SPIDR: variants seen among roughly 807,000 people sequenced by gnomAD.
The protein encoded by SPIDR is scaffold protein involved in DNA repair, also known as DNA repair-scaffolding protein.
Under a neutral mutation model 104.6 loss-of-function variants are expected in SPIDR, and 93 were observed. That is an observed-to-expected ratio of 0.89 (90% confidence interval 0.75 to 1.06). SPIDR has a LOEUF of 1.06. Ranked by LOEUF, SPIDR falls within the 50% of genes least tolerant of loss-of-function variation. The probability of loss-of-function intolerance (pLI) is 0.00; values close to 1 mark genes in which losing one functional copy is unlikely to be tolerated. For synonymous variants in SPIDR, 431 were observed against 416.9 expected (o/e 1.03, Z -0.41); for missense variants, 1,154 against 1,111.2 (o/e 1.04, Z -0.55).
chr8:47,666,436 G>A (rs1329862255), intron 10 of SPIDR, among the ~76,000 whole-genome samples: 1 of 152,136 alleles, frequency 6.6e-6, no homozygotes, highest in East Asian at 1.9e-4. Flanking sequence ...TTTAGCTCTG[G>A]AAATTAGGCT....
intron 17 of SPIDR, among the ~76,000 whole-genome samples, chr8:47,727,579 A>G (rs987616988): frequency 6.6e-6 from 1 of 152,192 alleles, no homozygotes; most frequent in African/African-American, 2.4e-5. Flanking sequence ...CAGGACAAAC[A>G]TGAATAAGTG....
intron 8 of SPIDR, among the ~76,000 whole-genome samples, chr8:47,441,211 C>T (rs1166915833): frequency 2.6e-5 from 4 of 152,110 alleles, no homozygotes; most frequent in African/African-American, 9.7e-5. Context: ...TGGATCAGTG[C>T]TTCTTTAATT....
At chr8:47,591,094 A>C (rs2060952222) in intron 8 of SPIDR, among the ~76,000 whole-genome samples, 4 of 151,824 alleles carry the variant, frequency 2.6e-5, no homozygotes, top group African/African-American at 9.7e-5. Context: ...TACTCTGCCA[A>C]TCTCTGTCTT....
In SPIDR at chr8:47,631,659, T is replaced by C. The variant is rs117326916; in HGVS notation, c.1544+32463T>C. Among the ~76,000 whole-genome samples, 56 of 152,326 alleles carry C rather than the reference T, an allele frequency of 3.7e-4. No individual in the cohort carries two copies. In the East Asian group the frequency reaches 7.3e-3, roughly 20 times the overall value. ...AGGAAGAGTTGATAAAGAATTCTTA[T>C]TTGACTCTTCAAAGTCACTGTTCAC... is the stretch of plus-strand genomic sequence containing the variant. On this transcript the variant is annotated intron_variant, in intron 10 of 19. Coordinates refer to ENST00000297423, the MANE Select transcript of SPIDR (RefSeq NM_001080394.4).
At position 47,595,833 on chromosome 8, in the gene SPIDR, G is replaced by A. The variant is rs1170822134; in HGVS notation, c.1120G>A (p.Gly374Arg). The A allele has an allele frequency of 6.2e-7, 1 of 1,613,974 alleles. No homozygotes were observed. Among genetic ancestry groups the A allele is most frequent in the Non-Finnish European group, 8.5e-7 (1 of 1,180,036 alleles). ...PPWQKLIIPS[G>R]SCPVILNTYF... ...CAGGCAAAAACTGATTATTCCAAGT[G>A]GAAGTTGCCCTGTTATTCTGAATAC... The change falls in exon 9 of 20, where the codon GGA becomes AGA. Residue 374 changes from glycine (G) to arginine (R), a missense_variant. Gly to Arg is a moderately radical substitution (Grantham distance 125). Coordinates refer to ENST00000297423, the MANE Select transcript of SPIDR (RefSeq NM_001080394.4).
chr8:47,515,561 T>G (rs2082993219), intron 8 of SPIDR, among the ~76,000 whole-genome samples: 1 of 152,160 alleles, frequency 6.6e-6, no homozygotes, highest in Non-Finnish European at 1.5e-5. Flanking sequence ...TCTACAAATC[T>G]TAGGACCAGA....
At chr8:47,538,528 A>G (rs2087403639) in intron 8 of SPIDR, among the ~76,000 whole-genome samples, 1 of 152,126 alleles carries the variant, frequency 6.6e-6, no homozygotes, top group South Asian at 2.1e-4. Flanking sequence ...TAGACAACAG[A>G]GTGAGACTCT....
chr8:47,571,343 G>A (rs2058501885), intron 8 of SPIDR, among the ~76,000 whole-genome samples: 1 of 152,098 alleles, frequency 6.6e-6, no homozygotes, highest in Non-Finnish European at 1.5e-5. Flanking sequence ...TGCTGTGGCA[G>A]TCATTTCACA....
chr8:47,555,979 T>C (rs916316157), intron 8 of SPIDR, among the ~76,000 whole-genome samples: 1 of 152,180 alleles, frequency 6.6e-6, no homozygotes, highest in African/African-American at 2.4e-5. Context: ...CAAAAACTCT[T>C]AGTTTTCTAA....
chr8:47,544,683 T>C (rs2088914227), intron 8 of SPIDR, among the ~76,000 whole-genome samples: 2 of 152,240 alleles, frequency 1.3e-5, no homozygotes, highest in African/African-American at 2.4e-5. Context: ...TCTGTTCCGT[T>C]GATCGTTGTG....
At chr8:47,625,157 G>T (rs1057354223) in intron 10 of SPIDR, among the ~76,000 whole-genome samples, 1 of 152,154 alleles carries the variant, frequency 6.6e-6, no homozygotes, top group East Asian at 1.9e-4. Context: ...TCTCAATAGA[G>T]GCACAAAAGG....
chr8:47,402,519 A>G (rs1554663949), intron 6 of SPIDR, among the ~76,000 whole-genome samples: 1 of 152,224 alleles, frequency 6.6e-6, no homozygotes, highest in Non-Finnish European at 1.5e-5. Context: ...GATAAAGGGA[A>G]TATCACCACC....
intron 1 of SPIDR, chr8:47,279,525 G>A (rs1363645641): frequency 4.9e-6 from 1 of 202,624 alleles, no homozygotes; most frequent in African/African-American, 2.3e-5. Flanking sequence ...TTGCTTCCTA[G>A]TGAGCACTGA....
intron 10 of SPIDR, among the ~76,000 whole-genome samples, chr8:47,668,289 A>G (rs1456842653): frequency 6.6e-6 from 1 of 152,186 alleles, no homozygotes; most frequent in African/African-American, 2.4e-5. Flanking sequence ...ACCTAGAGAC[A>G]AAATTTCTAA....
intron 8 of SPIDR, among the ~76,000 whole-genome samples, chr8:47,503,054 C>A (rs2080806207): frequency 6.6e-6 from 1 of 152,114 alleles, no homozygotes; most frequent in Non-Finnish European, 1.5e-5. Context: ...GCTTTACTTC[C>A]AACTATGTGG....
At chr8:47,618,162 G>A (rs1305987917) in intron 10 of SPIDR, among the ~76,000 whole-genome samples, 2 of 151,934 alleles carry the variant, frequency 1.3e-5, no homozygotes, top group African/African-American at 4.8e-5. Context: ...AATTCCTCTC[G>A]TGTCATTTTC....
intron 5 of SPIDR, among the ~76,000 whole-genome samples, chr8:47,386,543 G>T (rs2059927724): frequency 6.6e-6 from 1 of 152,142 alleles, no homozygotes; most frequent in Non-Finnish European, 1.5e-5. Flanking sequence ...GTGGTAGGAA[G>T]TGGGCTGCTT....
intron 14 of SPIDR, 83 bp downstream of exon 14, chr8:47,702,098 TACAC>T (rs3062665): frequency 1.6e-5 from 1 of 63,224 alleles, no homozygotes. Context: ...CTCTCTCTCT[TACAC>T]ACACACACAC....
chr8:47,588,914 A>G (rs1052210664), intron 8 of SPIDR, among the ~76,000 whole-genome samples: 6 of 151,928 alleles, frequency 3.9e-5, no homozygotes, highest in East Asian at 3.9e-4. Flanking sequence ...AATTAACACC[A>G]CTTGGTCATA....
Sources: allele counts gnomAD v4.1 joint callset (sites outside exome capture counted in the v4.1 genomes callset), GRCh38; gene constraint gnomAD v4.1.1; transcripts MANE v1.5; gene names NCBI Gene and HGNC (gene_info 2026-07-23, HGNC 2026-07-21).